Variants in DONSON observed in about 807,000 individuals in gnomAD.
DONSON encodes the protein DNA replication fork stabilization factor DONSON.
A neutral mutation model predicts 62.1 loss-of-function variants in DONSON; 43 were observed. The ratio of observed to expected loss-of-function variants is 0.69; its 90% CI spans 0.54 to 0.89. The LOEUF is 0.89. DONSON is among the 40% of genes least tolerant of loss of function. The probability of loss-of-function intolerance (pLI) is 0.00; values close to 1 mark genes in which losing one functional copy is unlikely to be tolerated. For synonymous variants in DONSON, 266 were observed against 264.6 expected (o/e 1.01, Z -0.05); for missense variants, 696 against 697.5 (o/e 1.00, Z 0.03).
At position 33,587,275 on chromosome 21, in the gene DONSON, C is replaced by A. The variant is rs549032270; in HGVS notation, c.402+247G>T. 7 of 790,696 alleles carry A rather than the reference C, an allele frequency of 8.9e-6. No individual in the cohort carries two copies. The Admixed American group carries it at 3.1e-4, about 35-fold the overall frequency. The allele number at this position is 790,696 out of a possible 1,614,324, so 49.0% of individuals were successfully genotyped here. ...CTGTTAGAGAGTAAAAGAAAACCCC[C>A]ACGTCTATCAGGCCTATTTTAGCGC... On this transcript the variant is annotated intron_variant, in intron 2 of 9. Coordinates refer to ENST00000303071, the MANE Select transcript of DONSON (RefSeq NM_017613.4).
chr21:33,583,488 C>T lies in DONSON; in HGVS notation c.964G>A (p.Gly322Ser). Residue 322 changes from glycine (G) to serine (S), a missense_variant and splice_region_variant, in exon 5 of 10, where the codon GGT (glycine) becomes AGT (serine). Gly to Ser is a moderately conservative substitution (Grantham distance 56). Transcript: ENST00000303071. The stretch of plus-strand genomic sequence containing the variant: ...TCTCACTTTAAACCTAAACTTTTAC[C>T]TTCATTTCTCATAGCTTCTCTTAAA... ...RGLREAMRNE[G>S]IEFSLPLIKE... 6.2e-7 allele frequency: 1 copy of T among 1,612,876 alleles called. No individual in the cohort carries two copies. The highest frequency in any genetic ancestry group is 1.1e-5 in the South Asian group (1 of 90,978).
Position 33,579,508 on chromosome 21 carries a change from T to C in DONSON, c.1405A>G (p.Ser469Gly). 1 of 1,614,222 alleles carries C rather than the reference T, an allele frequency of 6.2e-7. No individual in the cohort carries two copies. The highest frequency in any genetic ancestry group is 8.5e-7 in the Non-Finnish European group (1 of 1,180,018). The change falls in exon 9 of 10, where the codon AGT becomes GGT. Residue 469 changes from serine (S) to glycine (G), a missense_variant. Physicochemically the swap from Ser to Gly is moderately conservative, Grantham distance 56. Transcript: ENST00000303071. ...QALSGYRDQF[S>G]LEITGPIMPH... Reference sequence around the variant, plus strand: ...ATGATAGGACCTGTAATCTCCAAACTAAATTGGTCTCTGTATCCAGAAAGA... The same window carrying C: ...ATGATAGGACCTGTAATCTCCAAACCAAATTGGTCTCTGTATCCAGAAAGA...
chr21:33,580,082 AG>A (rs2086488291), intron 8 of DONSON, among the ~76,000 whole-genome samples: 1 of 151,940 alleles, frequency 6.6e-6, no homozygotes, highest in African/African-American at 2.4e-5. Context: ...CTATAGTCCC[AG>A]CTACTTGGGA....
rs2086457209 is a variant in DONSON, at chr21:33,578,122, T to C, written c.*185A>G. The C allele has an allele frequency of 1.7e-6, 1 of 595,984 alleles. No individual in the cohort carries two copies. The highest frequency in any genetic ancestry group is 2.8e-6 in the Non-Finnish European group (1 of 363,088). 36.9% of individuals were successfully genotyped at this position (595,984 alleles called of 1,614,324 possible). A position where few individuals can be genotyped will look rare whatever the true frequency, so the allele number is the denominator to read the frequency against. On this transcript the variant is annotated 3_prime_UTR_variant, in exon 10 of 10. Transcript: ENST00000303071. The stretch of plus-strand genomic sequence containing the variant: ...AGATATCTCATTTGAGTTATCTGAG[T>C]TTTTCATCTTTATATCTAAAAATCT...
chr21:33,583,200 C>CAAAAAAAAAAAAAAAAAAAAAAAAAA lies in DONSON; in HGVS notation c.964+287_964+288insTTTTTTTTTTTTTTTTTTTTTTTTTT, dbSNP rs552034893. On this transcript the variant is annotated intron_variant, in intron 5 of 9. Coordinates refer to ENST00000303071, the MANE Select transcript of DONSON (RefSeq NM_017613.4). Reference sequence around the variant, plus strand: ...TGGGTGACAGAGCGAGTCTCCATCTCAAAAAAAAAAAAAAAAAAAAAAAAA... The same window carrying CAAAAAAAAAAAAAAAAAAAAAAAAAA: ...TGGGTGACAGAGCGAGTCTCCATCTCAAAAAAAAAAAAAAAAAAAAAAAAAAAAAAAAAAAAAAAAAAAAAAAAAAA... Among the ~76,000 whole-genome samples the CAAAAAAAAAAAAAAAAAAAAAAAAAA allele has an allele frequency of 1.3e-3, 76 of 58,896 alleles. 1 individual carries two copies. Among genetic ancestry groups the CAAAAAAAAAAAAAAAAAAAAAAAAAA allele is most frequent in the East Asian group, 3.4e-3 (7 of 2,072 alleles). The allele number at this position is 58,896 out of a possible 152,430, so 38.6% of individuals were successfully genotyped here.
At chr21:33,582,287 G>A (rs781752714) in intron 5 of DONSON, 41 bp from the exon 6 acceptor site, 2 of 1,462,828 alleles carry the variant, frequency 1.4e-6, no homozygotes, top group South Asian at 1.2e-5. Flanking sequence ...GTCATTTAAA[G>A]TATTTAACAG....
At chr21:33,585,500 A>G (rs1051318882) in intron 3 of DONSON, among the ~76,000 whole-genome samples, 1 of 148,924 alleles carries the variant, frequency 6.7e-6, no homozygotes, top group African/African-American at 2.5e-5. Flanking sequence ...GGCATGGGCT[A>G]TTGTGCCCAG....
intron 2 of DONSON, 178 bp downstream of exon 2, chr21:33,587,344 T>C: frequency 1.0e-6 from 1 of 985,336 alleles, no homozygotes. Context: ...ACCAACTCCT[T>C]TACCTTGGCT....
intron 5 of DONSON, 67 bp downstream of exon 5, chr21:33,583,421 A>G: frequency 7.9e-7 from 1 of 1,270,640 alleles, no homozygotes. Context: ...TTAAATTTAA[A>G]TAGCTTTTAG....
At chr21:33,584,097 T>C (rs1484892089) in intron 4 of DONSON, among the ~76,000 whole-genome samples, 1 of 145,480 alleles carries the variant, frequency 6.9e-6, no homozygotes, top group Non-Finnish European at 1.5e-5. Context: ...CAGGCTGGAG[T>C]GCAGTGGCGC....
chr21:33,584,014 TTATATATATA>T lies in DONSON; in HGVS notation c.786-358_786-349del, dbSNP rs57309977. On this transcript the variant is annotated intron_variant, in intron 4 of 9. Transcript: ENST00000303071. ...GCATTAAAGAATTAGGGCTGCGTGT[TTATATATATA>T]TATATATATATATATATATATACTT... 3.6e-4 allele frequency among the ~76,000 whole-genome samples: 44 copies of T among 121,554 alleles called. 1 individual carries two copies. In the Middle Eastern group the frequency reaches 0.015, roughly 40 times the overall value. 79.7% of individuals were successfully genotyped at this position (121,554 alleles called of 152,430 possible).
intron 4 of DONSON, among the ~76,000 whole-genome samples, chr21:33,584,192 C>T (rs2086551967): frequency 6.6e-6 from 1 of 150,978 alleles, no homozygotes; most frequent in Non-Finnish European, 1.5e-5. Context: ...CTATAGGCAC[C>T]CGCCACCACA....
intron 2 of DONSON, chr21:33,587,241 T>C (rs2086587722): frequency 2.0e-6 from 1 of 494,410 alleles, no homozygotes; most frequent in South Asian, 8.6e-5. Flanking sequence ...CAAAGAAGAG[T>C]GGTAAAAACT....
intron 8 of DONSON, among the ~76,000 whole-genome samples, chr21:33,580,243 A>AATGAATGAATGAATGG (rs758176553): frequency 1.4e-5 from 1 of 72,554 alleles, no homozygotes; most frequent in African/African-American, 4.5e-5. Flanking sequence ...TAGATAGATG[A>AATGAATGAATGAATGG]ATGAATGAAT....
At chr21:33,578,544 A>C in intron 9 of DONSON, 100 bp from the exon 10 acceptor site, 1 of 1,267,068 alleles carries the variant, frequency 7.9e-7, no homozygotes, top group South Asian at 1.8e-5. Context: ...ATGGCTGATT[A>C]ATGTGATTCA....
At position 33,583,587 on chromosome 21, in the gene DONSON, T is replaced by C; in HGVS notation, c.865A>G (p.Thr289Ala). The stretch of plus-strand genomic sequence containing the variant: ...AATCCTGCTGCTCGGAACAGGACAG[T>C]AAACTGATAGGTACAAACGTAGAAA... ...PYFYVCTYQF[T>A]VLFRAAGLAG... The change falls in exon 5 of 10, where the codon ACT becomes GCT. Residue 289 changes from threonine to alanine, a missense_variant. Physicochemically the swap from Thr to Ala is moderately conservative, Grantham distance 58. Coordinates refer to ENST00000303071, the MANE Select transcript of DONSON (RefSeq NM_017613.4). 6.2e-7 allele frequency: 1 copy of C among 1,614,032 alleles called. No homozygotes were observed. The highest frequency in any genetic ancestry group is 2.2e-5 in the East Asian group (1 of 44,854).
chr21:33,586,023 G>T lies in DONSON; in HGVS notation c.561C>A (p.Val187=). The change falls in exon 3 of 10, where the codon GTC becomes GTA. Residue 187 remains valine (V), a synonymous_variant. Transcript: ENST00000303071. ...TAACTTCTGTTGCCCTACAATGCTG[G>T]ACAAGACCTTGAGCTTCTTCCTGTG... ...LKAQEEAQGL[V]QHCRATEVTL... is the part of the protein sequence containing the mutation. The T allele has an allele frequency of 1.2e-6, 2 of 1,614,142 alleles. No homozygotes were observed. The highest frequency in any genetic ancestry group is 1.7e-6 in the Non-Finnish European group (2 of 1,180,030).
At chr21:33,579,199 C>T (rs2086475748) in intron 9 of DONSON, 151 bp downstream of exon 9, 1 of 549,514 alleles carries the variant, frequency 1.8e-6, no homozygotes, top group Non-Finnish European at 2.9e-6. Flanking sequence ...AAACAACTTA[C>T]AGACATTATT....
intron 6 of DONSON, 22 bp downstream of exon 6, chr21:33,582,143 T>C (rs1296976432): frequency 6.2e-6 from 10 of 1,612,262 alleles, no homozygotes; most frequent in South Asian, 1.1e-5. Context: ...GTGGATGATA[T>C]AAAGTTATTT....
Sources: gnomAD v4.1 joint callset for allele counts (sites outside exome capture counted in the v4.1 genomes callset) on GRCh38, gnomAD v4.1.1 for gene constraint, MANE v1.5 for transcripts, NCBI Gene and HGNC (gene_info 2026-07-23, HGNC 2026-07-21) for gene names.